Variants in PARG observed in about 807,000 individuals in gnomAD.
PARG encodes the protein mitochondrial poly(ADP-ribose) glycohydrolase.
Under a neutral mutation model 113.0 loss-of-function variants are expected in PARG, and 35 were observed. The ratio of observed to expected loss-of-function variants is 0.31; its 90% CI spans 0.24 to 0.41. The LOEUF (loss-of-function observed/expected upper bound fraction) is 0.41, where lower values mean the gene tolerates loss of function less well. Among genes scored for constraint, PARG ranks in the 10% least tolerant of loss-of-function variants. The probability of loss-of-function intolerance (pLI) is 1.00; values close to 1 mark genes in which losing one functional copy is unlikely to be tolerated. For missense variants in PARG, 797 were observed against 1,169.4 expected (o/e 0.68, Z 4.64); for synonymous variants, 330 against 409.9 (o/e 0.81, Z 2.36).
chr10:49,900,950 A>G (rs1848322622), intron 7 of PARG, among the ~76,000 whole-genome samples: 1 of 152,224 alleles, frequency 6.6e-6, no homozygotes, highest in South Asian at 2.1e-4. Context: ...GAAACAGCTA[A>G]TGGTGATGTA....
chr10:49,904,903 A>G (rs1848503938), intron 7 of PARG, among the ~76,000 whole-genome samples: 1 of 149,490 alleles, frequency 6.7e-6, no homozygotes, highest in Non-Finnish European at 1.5e-5. Flanking sequence ...GCAACAGACC[A>G]AGAGAACATC....
chr10:49,921,541 C>T (rs1837872601), intron 6 of PARG, among the ~76,000 whole-genome samples: 1 of 151,112 alleles, frequency 6.6e-6, no homozygotes, highest in African/African-American at 2.4e-5. Context: ...AGAAAAAAAA[C>T]AGGAGCTACA....
chr10:49,928,919 G>A (rs1838351313), intron 4 of PARG, among the ~76,000 whole-genome samples: 1 of 152,118 alleles, frequency 6.6e-6, no homozygotes, highest in Admixed American at 6.5e-5. Context: ...TCATATTCAG[G>A]AATAAGAATC....
At chr10:49,864,229 A>G (rs1846386611) in intron 11 of PARG, among the ~76,000 whole-genome samples, 1 of 152,162 alleles carries the variant, frequency 6.6e-6, no homozygotes, top group African/African-American at 2.4e-5. Context: ...CCATGATGCC[A>G]AAATGCTGTA....
chr10:49,846,685 A>G (rs1333137630), intron 13 of PARG, among the ~76,000 whole-genome samples: 2 of 152,270 alleles, frequency 1.3e-5, no homozygotes, highest in Admixed American at 6.5e-5. Context: ...GGGAAAGACT[A>G]TAATATAGGC....
chr10:49,888,211 A>G (rs1554840793), intron 7 of PARG, among the ~76,000 whole-genome samples: 1 of 152,174 alleles, frequency 6.6e-6, no homozygotes, highest in African/African-American at 2.4e-5. Context: ...ATTGATAACT[A>G]TACTATTTTA....
At chr10:49,824,761 A>G (rs1844268378) in intron 16 of PARG, among the ~76,000 whole-genome samples, 1 of 152,166 alleles carries the variant, frequency 6.6e-6, no homozygotes, top group Non-Finnish European at 1.5e-5. Flanking sequence ...AAACTCAACA[A>G]GAGAATTATT....
intron 7 of PARG, among the ~76,000 whole-genome samples, chr10:49,902,798 T>C (rs747907156): frequency 2.6e-4 from 40 of 152,156 alleles, no homozygotes; most frequent in Non-Finnish European, 2.9e-5. Flanking sequence ...TAAGACCAGC[T>C]TGGGCAACAT....
intron 9 of PARG, among the ~76,000 whole-genome samples, chr10:49,873,413 G>A (rs200735788): frequency 6.8e-6 from 1 of 147,594 alleles, no homozygotes; most frequent in Non-Finnish European, 1.5e-5. Context: ...AAAGTGGGGG[G>A]ACTTTCAGTT....
intron 7 of PARG, among the ~76,000 whole-genome samples, chr10:49,913,645 G>A (rs1244287081): frequency 8.1e-4 from 124 of 152,168 alleles, no homozygotes; most frequent in Non-Finnish European, 3.5e-4. Flanking sequence ...GCTCACACCT[G>A]TAATCCCAGC....
intron 7 of PARG, among the ~76,000 whole-genome samples, chr10:49,902,976 C>T (rs1319409934): frequency 1.4e-4 from 22 of 152,022 alleles, no homozygotes; most frequent in Admixed American, 9.2e-4. Context: ...GCAACTTACA[C>T]GCCACCACAC....
At chr10:49,851,781 C>CAAAAA (rs782455561) in intron 13 of PARG, among the ~76,000 whole-genome samples, 1 of 81,956 alleles carries the variant, frequency 1.2e-5, no homozygotes. Context: ...TAAGAGAAGA[C>CAAAAA]AAAAAAAAAA....
At chr10:49,939,930 T>C (rs1290130804) in intron 1 of PARG, among the ~76,000 whole-genome samples, 14 of 152,182 alleles carry the variant, frequency 9.2e-5, no homozygotes, top group Non-Finnish European at 1.9e-4. Context: ...CTTTTTGAAA[T>C]GATCTCCTTT....
chr10:49,868,145 G>A (rs1485787349), intron 10 of PARG, among the ~76,000 whole-genome samples: 14 of 152,006 alleles, frequency 9.2e-5, no homozygotes, highest in African/African-American at 2.7e-4. Context: ...CCGCCACCGC[G>A]CCTGGCTAAT....
chr10:49,819,172 A>C lies in PARG; in HGVS notation c.*168T>G, dbSNP rs1418555951. The C allele has an allele frequency of 5.6e-6, 3 of 539,684 alleles. No homozygotes were observed. In the East Asian group the frequency reaches 9.3e-5, roughly 17 times the overall value. 33.4% of individuals were successfully genotyped at this position (539,684 alleles called of 1,614,324 possible). On this transcript the variant is annotated 3_prime_UTR_variant, in exon 18 of 18. Coordinates refer to ENST00000616448, the MANE Select transcript of PARG (RefSeq NM_003631.5). Reference sequence around the variant, plus strand: ...GTGAGTCAGGATGGAGGGAGTTTAGATGTACCAACTGACAACTGCACATGT... The same window carrying C: ...GTGAGTCAGGATGGAGGGAGTTTAGCTGTACCAACTGACAACTGCACATGT...
chr10:49,842,329 A>G (rs1414488822), intron 14 of PARG, among the ~76,000 whole-genome samples: 1 of 152,258 alleles, frequency 6.6e-6, no homozygotes, highest in East Asian at 1.9e-4. Context: ...AATCATTTAT[A>G]GTAAGTCTCA....
In PARG at chr10:49,922,534, GT is replaced by G; in HGVS notation, c.1578+12del. 1 of 1,610,858 alleles carries G rather than the reference GT, an allele frequency of 6.2e-7. No homozygotes were observed. The highest frequency in any genetic ancestry group is 2.3e-4 in the Middle Eastern group (1 of 4,424). On this transcript the variant is annotated intron_variant, in intron 5 of 17. Transcript: ENST00000616448. ...TTTTTCAGAGACTAAAAGAATCTCG[GT>G]TTTGTTCTTACCTCATCTTCCACTG... is the stretch of plus-strand genomic sequence containing the variant.
At position 49,922,366 on chromosome 10, in the gene PARG, G is replaced by C. The variant is rs1407688270; in HGVS notation, c.1632C>G (p.Leu544=). 2 of 1,605,084 alleles carry C rather than the reference G, an allele frequency of 1.2e-6. No individual in the cohort carries two copies. The highest frequency in any genetic ancestry group is 1.7e-6 in the Non-Finnish European group (2 of 1,176,610). Residue 544 remains leucine, a synonymous_variant, in exon 6 of 18, where the codon CTC becomes CTG. Coordinates refer to ENST00000616448, the MANE Select transcript of PARG (RefSeq NM_003631.5). ...SRWELIQTAL[L]NKFTRPQNLK... ...AGTTTTGGGGTCGTGTAAATTTGTT[G>C]AGAAGTGCAGTCTGAATGAGCTCCC...
At chr10:49,890,431 C>G (rs545199017) in intron 7 of PARG, among the ~76,000 whole-genome samples, 1 of 152,112 alleles carries the variant, frequency 6.6e-6, no homozygotes, top group Non-Finnish European at 1.5e-5. Flanking sequence ...TTCATTCATT[C>G]GATTGGCTGA....
Sources: gnomAD v4.1 joint callset for allele counts (sites outside exome capture counted in the v4.1 genomes callset) on GRCh38, gnomAD v4.1.1 for gene constraint, MANE v1.5 for transcripts, NCBI Gene and HGNC (gene_info 2026-07-23, HGNC 2026-07-21) for gene names.